SLC37A2: variants seen among roughly 807,000 people sequenced by gnomAD.
The protein encoded by SLC37A2 is glucose-6-phosphate exchanger SLC37A2.
SLC37A2 carries 59 observed loss-of-function variants against 70.7 expected under a neutral mutation model. The ratio of observed to expected loss-of-function variants is 0.83; its 90% CI spans 0.68 to 1.04. The LOEUF (loss-of-function observed/expected upper bound fraction) is 1.04. Among genes scored for constraint, SLC37A2 ranks in the 50% least tolerant of loss-of-function variants. The pLI is 0.00. For synonymous variants in SLC37A2, 257 were observed against 262.1 expected (o/e 0.98, Z 0.19); for missense variants, 580 against 658.1 (o/e 0.88, Z 1.30).
Position 125,077,479 on chromosome 11 carries a change from G to A in SLC37A2, c.265G>A (p.Gly89Ser). 6.2e-7 allele frequency: 1 copy of A among 1,613,924 alleles called. No individual in the cohort carries two copies. Among genetic ancestry groups the A allele is most frequent in the East Asian group, 2.2e-5 (1 of 44,872 alleles). The stretch of plus-strand genomic sequence containing the variant: ...GGACAACTATAAGGAGTTACTAGGG[G>A]GCGTGGACAACGCCTTCCTCATCGC... Reference protein sequence around the residue: ...DKDNYKELLGGVDNAFLIAYA... With the variant: ...DKDNYKELLGSVDNAFLIAYA... The change falls in exon 4 of 18, where the codon GGC (glycine) becomes AGC (serine). Residue 89 changes from glycine (G) to serine (S), a missense_variant. By Grantham distance (56) the Gly-to-Ser change is moderately conservative (BLOSUM62 0). Transcript: ENST00000403796.
At chr11:125,069,864 A>G (rs375125035) in intron 1 of SLC37A2, among the ~76,000 whole-genome samples, 1 of 152,260 alleles carries the variant, frequency 6.6e-6, no homozygotes, top group East Asian at 1.9e-4. Context: ...CGTCAGGATG[A>G]CAATGAATGG....
chr11:125,088,330 A>G lies in SLC37A2; in HGVS notation c.*196A>G. On this transcript the variant is annotated 3_prime_UTR_variant, in exon 18 of 18. Transcript: ENST00000403796. The stretch of plus-strand genomic sequence containing the variant: ...GGAAGGGGACTGCCAAGCATGAGGA[A>G]ATAGAAGATTCAGGGGCCTGAGCTC... The G allele has an allele frequency of 1.6e-6, 1 of 627,912 alleles. No individual in the cohort carries two copies. The highest frequency in any genetic ancestry group is 2.8e-5 in the East Asian group (1 of 36,088). 38.9% of individuals were successfully genotyped at this position (627,912 alleles called of 1,614,324 possible).
chr11:125,071,706 T>C (rs143964583), intron 1 of SLC37A2, among the ~76,000 whole-genome samples: 1 of 152,338 alleles, frequency 6.6e-6, no homozygotes, highest in Non-Finnish European at 1.5e-5. Context: ...GCTGCTGCCC[T>C]GGGAGAGCTT....
intron 9 of SLC37A2, 26 bp from the exon 10 acceptor site, chr11:125,082,218 C>T (rs1949158451): frequency 1.9e-6 from 3 of 1,611,684 alleles, no homozygotes; most frequent in Admixed American, 1.7e-5. Context: ...GACCCCTTCC[C>T]ATGTGCCCCC....
At chr11:125,069,026 T>C (rs1329206005) in intron 1 of SLC37A2, among the ~76,000 whole-genome samples, 1 of 152,176 alleles carries the variant, frequency 6.6e-6, no homozygotes, top group Non-Finnish European at 1.5e-5. Flanking sequence ...CACGAGTGTT[T>C]TGAGGTTTAA....
At chr11:125,081,682 T>C (rs897183988) in intron 8 of SLC37A2, 72 bp from the exon 9 acceptor site, 5 of 1,506,956 alleles carry the variant, frequency 3.3e-6, no homozygotes, top group Non-Finnish European at 4.4e-6. Flanking sequence ...GTCTCTTGCC[T>C]GGGCTGCACC....
chr11:125,073,399 G>A (rs778035280), intron 1 of SLC37A2, among the ~76,000 whole-genome samples: 5 of 152,232 alleles, frequency 3.3e-5, no homozygotes, highest in Non-Finnish European at 7.3e-5. Flanking sequence ...CTACCTTCCA[G>A]GTAAATCCAG....
chr11:125,081,548 G>T (rs1565398738), intron 8 of SLC37A2, 90 bp downstream of exon 8: 1 of 1,485,682 alleles, frequency 6.7e-7, no homozygotes. Context: ...AGAGCAGGGA[G>T]TTCTGGCCCT....
Position 125,080,834 on chromosome 11 carries a change from G to A in SLC37A2, c.694+54G>A. On this transcript the variant is annotated intron_variant, in intron 7 of 17. Transcript: ENST00000403796. The surrounding 1 kb of genome is among the most constrained non-coding windows in gnomAD (Gnocchi z 4.3). ...GAGCCTAGAAGTTCTCGGTTTCTGG[G>A]AGAAGGCAGCTGGATCTACTGGAAA... 7.5e-7 allele frequency: 1 copy of A among 1,335,698 alleles called. No homozygotes were observed. 82.7% of individuals were successfully genotyped at this position (1,335,698 alleles called of 1,614,324 possible).
Position 125,081,412 on chromosome 11 carries a change from T to C in SLC37A2, c.695-9T>C, listed in dbSNP as rs773531706. The stretch of plus-strand genomic sequence containing the variant: ...GGGAAACTTCTTAGAAAGCGATTTT[T>C]TTTTCTAGACCCAGAAGATGTGGAC... On this transcript the variant is annotated splice_polypyrimidine_tract_variant and intron_variant, in intron 7 of 17. Transcript: ENST00000403796. 2 of 1,604,386 alleles carry C rather than the reference T, an allele frequency of 1.2e-6. No homozygotes were observed. Among genetic ancestry groups the C allele is most frequent in the South Asian group, 2.2e-5 (2 of 89,482 alleles).
rs751969428 is a variant in SLC37A2, at chr11:125,077,335, G to A, written c.235+12G>A. On this transcript the variant is annotated intron_variant, in intron 3 of 17. Transcript: ENST00000403796. ...CTGGGCCCCATTTGGTAAGAACAGGGCAAGTTGCTCTTCCCATTCCCCATT... is the reference window on the plus strand; with the variant it reads ...CTGGGCCCCATTTGGTAAGAACAGGACAAGTTGCTCTTCCCATTCCCCATT... 8.1e-6 allele frequency: 13 copies of A among 1,596,882 alleles called. No individual in the cohort carries two copies. In the Admixed American group the frequency reaches 2.2e-4, roughly 27 times the overall value.
Position 125,079,110 on chromosome 11 carries a change from A to G in SLC37A2, c.315-2A>G. 6.2e-7 allele frequency: 1 copy of G among 1,614,130 alleles called. No individual in the cohort carries two copies. Among genetic ancestry groups the G allele is most frequent in the East Asian group, 2.2e-5 (1 of 44,878 alleles). Reference sequence around the variant, plus strand: ...CCGCAGATCCAACTTTCTCTTCCCCAGTGGGGTTTTTGGGGAGCGGCTTCC... The same window carrying G: ...CCGCAGATCCAACTTTCTCTTCCCCGGTGGGGTTTTTGGGGAGCGGCTTCC... On this transcript the variant is annotated splice_acceptor_variant, in intron 4 of 17. Transcript: ENST00000403796. LOFTEE classifies it high-confidence loss of function.
At chr11:125,085,212 T>G in intron 14 of SLC37A2, 73 bp downstream of exon 14, 5 of 1,462,954 alleles carry the variant, frequency 3.4e-6, no homozygotes, top group Non-Finnish European at 4.8e-6. Flanking sequence ...TCCAGGTCCA[T>G]TTCTCCCTGT....
rs769972333 is a variant in SLC37A2 at position 125,081,463 on chromosome 11, G to A, written c.732+5G>A. ...TGCGCCCCTCCTCAGCACCACGTGA[G>A]TGTGAGCCCTCCCAGCCCTATCCCT... On this transcript the variant is annotated splice_donor_5th_base_variant and intron_variant, in intron 8 of 17. Coordinates refer to ENST00000403796, the MANE Select transcript of SLC37A2 (RefSeq NM_001145290.2). 1.2e-6 allele frequency: 2 copies of A among 1,609,596 alleles called. No individual in the cohort carries two copies. Among genetic ancestry groups the A allele is most frequent in the Non-Finnish European group, 1.7e-6 (2 of 1,177,492 alleles).
chr11:125,075,440 A>G (rs1371417995), intron 1 of SLC37A2, among the ~76,000 whole-genome samples: 2 of 152,164 alleles, frequency 1.3e-5, no homozygotes, highest in Non-Finnish European at 2.9e-5. Flanking sequence ...GACCTCTGTG[A>G]CCCACATGTG....
intron 1 of SLC37A2, among the ~76,000 whole-genome samples, chr11:125,076,437 C>T (rs1018347956): frequency 1.3e-5 from 2 of 152,294 alleles, no homozygotes; most frequent in East Asian, 1.9e-4. Flanking sequence ...CACACACAGG[C>T]GCCCTGACCT....
At chr11:125,086,172 C>G in intron 17 of SLC37A2, 154 bp downstream of exon 17, 1 of 1,599,632 alleles carries the variant, frequency 6.3e-7, no homozygotes, top group South Asian at 1.1e-5. Flanking sequence ...CCCTGCTAAC[C>G]TGTCCTCTGT....
chr11:125,086,171 C>A (rs903843081), intron 17 of SLC37A2, 153 bp downstream of exon 17: 6 of 1,598,404 alleles, frequency 3.8e-6, no homozygotes, highest in Non-Finnish European at 5.1e-6. Flanking sequence ...ACCCTGCTAA[C>A]CTGTCCTCTG....
intron 1 of SLC37A2, among the ~76,000 whole-genome samples, chr11:125,074,482 G>A (rs1949062166): frequency 6.6e-6 from 1 of 152,050 alleles, no homozygotes; most frequent in Non-Finnish European, 1.5e-5. Context: ...GTTAGAAATG[G>A]GCACAGCTCC....
Sources: gnomAD v4.1 joint callset for allele counts (sites outside exome capture counted in the v4.1 genomes callset) on GRCh38, gnomAD v4.1.1 for gene constraint, Gnocchi (gnomAD v3.1) non-coding constraint, MANE v1.5 for transcripts, NCBI Gene and HGNC (gene_info 2026-07-23, HGNC 2026-07-21) for gene names.